GRM3: variants seen among roughly 807,000 people sequenced by gnomAD.
The protein encoded by GRM3 is metabotropic glutamate receptor 3.
In GRM3, 26 loss-of-function variants were observed where a neutral mutation model predicts 70.5. That is an observed-to-expected ratio of 0.37 (90% CI 0.27 to 0.51). GRM3 has a LOEUF of 0.51. Among genes scored for constraint, GRM3 ranks in the 20% least tolerant of loss-of-function variants. The pLI is 0.93. For synonymous variants in GRM3, 443 were observed against 434.9 expected, an observed-to-expected ratio of 1.02 and a Z score of -0.23; for missense variants, 859 against 1,123.8, an observed-to-expected ratio of 0.76 and a Z score of 3.37.
At chr7:86,655,665 T>C (rs762115435) in intron 1 of GRM3, among the ~76,000 whole-genome samples, 1 of 152,166 alleles carries the variant, frequency 6.6e-6, no homozygotes, top group Non-Finnish European at 1.5e-5. Flanking sequence ...AAAAGTCTTA[T>C]GGGTTTCATC....
chr7:86,794,895 A>G (rs1797511640), intron 3 of GRM3, among the ~76,000 whole-genome samples: 1 of 150,808 alleles, frequency 6.6e-6, no homozygotes, highest in East Asian at 1.9e-4. Flanking sequence ...AAAAAAAAAA[A>G]CAATTTTACT....
At chr7:86,812,044 C>A (rs1797920201) in intron 3 of GRM3, among the ~76,000 whole-genome samples, 1 of 151,448 alleles carries the variant, frequency 6.6e-6, no homozygotes, top group Non-Finnish European at 1.5e-5. Flanking sequence ...AAAATTCTAC[C>A]CACTCTACTG....
At chr7:86,819,932 C>T (rs1211276303) in intron 3 of GRM3, among the ~76,000 whole-genome samples, 4 of 152,116 alleles carry the variant, frequency 2.6e-5, no homozygotes, top group East Asian at 1.9e-4. Context: ...GGGAAGACTC[C>T]GTGCTACCCT....
chr7:86,674,566 C>T (rs1040497156), intron 1 of GRM3, among the ~76,000 whole-genome samples: 4 of 152,128 alleles, frequency 2.6e-5, no homozygotes, highest in Non-Finnish European at 5.9e-5. Context: ...CTATCCTTTA[C>T]AACTTTCAGA....
rs554955480 is a variant in GRM3, at chr7:86,720,651, A to G, written c.-140-44355A>G. ...ACCCTTACTACTTATCCCCTTCTCA[A>G]TTTTCATTCTGCCAGAGAGCCCCAC... On this transcript the variant is annotated intron_variant, in intron 1 of 5. Coordinates refer to ENST00000361669, the MANE Select transcript of GRM3 (RefSeq NM_000840.3). 2.6e-5 allele frequency among the ~76,000 whole-genome samples: 4 copies of G among 152,170 alleles called. No individual in the cohort carries two copies. In the South Asian group the frequency reaches 8.3e-4, roughly 32 times the overall value.
At chr7:86,706,080 A>G (rs998797707) in intron 1 of GRM3, among the ~76,000 whole-genome samples, 1 of 139,998 alleles carries the variant, frequency 7.1e-6, no homozygotes, top group Admixed American at 7.0e-5. Context: ...TATAATATAC[A>G]CTACATTTCT....
chr7:86,713,558 C>A (rs1337196227), intron 1 of GRM3, among the ~76,000 whole-genome samples: 1 of 151,934 alleles, frequency 6.6e-6, no homozygotes, highest in Non-Finnish European at 1.5e-5. Flanking sequence ...AACCTCCAGG[C>A]CCCTCCCTAC....
chr7:86,743,694 T>C (rs1430813074), intron 1 of GRM3, among the ~76,000 whole-genome samples: 1 of 152,106 alleles, frequency 6.6e-6, no homozygotes, highest in East Asian at 1.9e-4. Context: ...TCAGAGGAAT[T>C]TACATTACAA....
chr7:86,707,044 C>T lies in GRM3; in HGVS notation c.-140-57962C>T, dbSNP rs148982852. ...ACTTCCCTAGAATACTAAATTAGAC[C>T]GATAGCAAGAGTAGCTAAAAACAGA... is the stretch of plus-strand genomic sequence containing the variant. On this transcript the variant is annotated intron_variant, in intron 1 of 5. Transcript: ENST00000361669. Among the ~76,000 whole-genome samples, 537 of 151,968 alleles carry T rather than the reference C, an allele frequency of 3.5e-3. 4 individuals carry two copies. The highest frequency in any genetic ancestry group is 0.012 in the African/African-American group (509 of 41,466).
At chr7:86,810,447 G>T (rs1201550356) in intron 3 of GRM3, among the ~76,000 whole-genome samples, 1 of 151,896 alleles carries the variant, frequency 6.6e-6, no homozygotes, top group Non-Finnish European at 1.5e-5. Flanking sequence ...CATGTCATCG[G>T]GAGTTTTATA....
At chr7:86,758,085 C>G (rs1399797874) in intron 1 of GRM3, among the ~76,000 whole-genome samples, 14 of 152,154 alleles carry the variant, frequency 9.2e-5, no homozygotes, top group Non-Finnish European at 2.1e-4. Context: ...CTCTTTCTCT[C>G]AGTCCCTCTC....
In GRM3 at chr7:86,790,798, T is replaced by G. The variant is rs576737594; in HGVS notation, c.1324+3682T>G. Among the ~76,000 whole-genome samples, 10 of 152,252 alleles carry G rather than the reference T, an allele frequency of 6.6e-5. No individual in the cohort carries two copies. The South Asian group carries it at 2.1e-3, about 32-fold the overall frequency. The stretch of plus-strand genomic sequence containing the variant: ...ATCCATTCCCTACTTCTTTCAAATA[T>G]TCATGTAAATGTTATCTTCTCAATG... On this transcript the variant is annotated intron_variant, in intron 3 of 5. Transcript: ENST00000361669.
At chr7:86,825,032 T>C (rs1798203215) in intron 3 of GRM3, among the ~76,000 whole-genome samples, 1 of 152,310 alleles carries the variant, frequency 6.6e-6, no homozygotes, top group African/African-American at 2.4e-5. Context: ...TTCAGGTTAG[T>C]TCAAAATAGA....
chr7:86,680,169 T>C (rs55738247), intron 1 of GRM3, among the ~76,000 whole-genome samples: 1 of 152,114 alleles, frequency 6.6e-6, no homozygotes, highest in Non-Finnish European at 1.5e-5. Flanking sequence ...TGAGCAATCA[T>C]GATAAAGCGC....
At chr7:86,773,191 C>T (rs76200892) in intron 2 of GRM3, among the ~76,000 whole-genome samples, 11,307 of 151,786 alleles carry the variant, frequency 0.074, 693 homozygotes, top group African/African-American at 0.17. Flanking sequence ...CTACTGTTGC[C>T]GTCTTTATGT....
chr7:86,779,956 G>C (rs1440291216), intron 2 of GRM3, among the ~76,000 whole-genome samples: 1 of 152,146 alleles, frequency 6.6e-6, no homozygotes, highest in Non-Finnish European at 1.5e-5. Flanking sequence ...TACAACAATG[G>C]GGAAAAGACA....
chr7:86,771,143 T>C (rs1796729004), intron 2 of GRM3, among the ~76,000 whole-genome samples: 2 of 152,126 alleles, frequency 1.3e-5, no homozygotes, highest in African/African-American at 4.8e-5. Flanking sequence ...GTGAGTTCTC[T>C]GTTTCTGGAG....
chr7:86,696,608 A>G (rs1394114252), intron 1 of GRM3, among the ~76,000 whole-genome samples: 1 of 152,158 alleles, frequency 6.6e-6, no homozygotes, highest in African/African-American at 2.4e-5. Flanking sequence ...ATACTAATAT[A>G]CCATCAGTAC....
chr7:86,733,041 G>A (rs914813010), intron 1 of GRM3, among the ~76,000 whole-genome samples: 4 of 152,160 alleles, frequency 2.6e-5, no homozygotes, highest in Non-Finnish European at 4.4e-5. Flanking sequence ...ATGGCCGGGC[G>A]TGGTGTCTCA....
Sources: allele counts gnomAD v4.1 joint callset (sites outside exome capture counted in the v4.1 genomes callset), GRCh38; gene constraint gnomAD v4.1.1; transcripts MANE v1.5; gene names NCBI Gene and HGNC (gene_info 2026-07-23, HGNC 2026-07-21).